Variants in CTNNA3 observed in about 807,000 individuals in gnomAD.
CTNNA3 encodes the protein catenin alpha 3.
CTNNA3 carries 76 observed loss-of-function variants against 95.7 expected under a neutral mutation model. That is an observed-to-expected ratio of 0.79 (90% confidence interval 0.66 to 0.96). The LOEUF (loss-of-function observed/expected upper bound fraction) is 0.96. Among genes scored for constraint, CTNNA3 ranks in the 40% least tolerant of loss-of-function variants. CTNNA3 has a pLI of 0.00. For synonymous variants in CTNNA3, 431 were observed against 374.4 expected (o/e 1.15, Z -1.74); for missense variants, 1,191 against 1,089.8 (o/e 1.09, Z -1.31).
chr10:66,153,892 A>G (rs1002222662), intron 13 of CTNNA3, among the ~76,000 whole-genome samples: 4 of 149,722 alleles, frequency 2.7e-5, no homozygotes, highest in Non-Finnish European at 5.9e-5. Flanking sequence ...CCTATATAAT[A>G]TAAATTATAC....
At position 66,371,787 on chromosome 10, in the gene CTNNA3, G is replaced by A. The variant is rs111890391; in HGVS notation, c.1732+7365C>T. On this transcript the variant is annotated intron_variant, in intron 12 of 17. Coordinates refer to ENST00000433211, the MANE Select transcript of CTNNA3 (RefSeq NM_013266.4). The stretch of plus-strand genomic sequence containing the variant: ...AGCACTGTCTGCAAAGAAGCTCGAA[G>A]GCCAGGTACTCACCCCTATGCATGC... Among the ~76,000 whole-genome samples, 587 of 152,248 alleles carry A rather than the reference G, an allele frequency of 3.9e-3. 4 individuals are homozygous for A. Among genetic ancestry groups the A allele is most frequent in the African/African-American group, 0.013 (546 of 41,558 alleles).
intron 13 of CTNNA3, among the ~76,000 whole-genome samples, chr10:66,127,262 ACT>A (rs1363797897): frequency 1.6e-5 from 2 of 127,416 alleles, no homozygotes; most frequent in African/African-American, 3.1e-5. Flanking sequence ...ACAGAGCAAG[ACT>A]CTGTCTCAAA....
intron 7 of CTNNA3, among the ~76,000 whole-genome samples, chr10:66,948,714 A>C (rs1380080887): frequency 6.6e-6 from 1 of 152,186 alleles, no homozygotes; most frequent in Non-Finnish European, 1.5e-5. Flanking sequence ...AACTGATGAA[A>C]TTGAACATAT....
intron 17 of CTNNA3, among the ~76,000 whole-genome samples, chr10:65,965,027 A>G (rs563533521): frequency 2.0e-5 from 3 of 152,228 alleles, no homozygotes; most frequent in African/African-American, 7.2e-5. Flanking sequence ...ACAGGGCACT[A>G]GTAATGCACT....
At chr10:67,462,053 G>T (rs1847398336) in intron 5 of CTNNA3, among the ~76,000 whole-genome samples, 1 of 152,200 alleles carries the variant, frequency 6.6e-6, no homozygotes, top group African/African-American at 2.4e-5. Context: ...AAAGGAAGTT[G>T]TTGTAATATG....
At chr10:66,997,175 C>G (rs550934298) in intron 7 of CTNNA3, among the ~76,000 whole-genome samples, 1 of 152,036 alleles carries the variant, frequency 6.6e-6, no homozygotes. Context: ...GCAAAACAAC[C>G]CTTTGTATTA....
intron 3 of CTNNA3, among the ~76,000 whole-genome samples, chr10:67,595,185 T>C (rs551952757): frequency 1.3e-5 from 2 of 152,296 alleles, no homozygotes; most frequent in East Asian, 3.9e-4. Flanking sequence ...AACTTTGAGG[T>C]TGTTTTTCTC....
intron 12 of CTNNA3, among the ~76,000 whole-genome samples, chr10:66,293,667 C>CTT (rs11374911): frequency 0.21 from 29,283 of 138,250 alleles, 3,647 homozygotes; most frequent in African/African-American, 0.34. Context: ...TTTTTTCTTT[C>CTT]TTTTTTTTTT....
intron 12 of CTNNA3, among the ~76,000 whole-genome samples, chr10:66,319,514 C>T (rs1470071166): frequency 1.3e-5 from 2 of 152,096 alleles, no homozygotes; most frequent in Non-Finnish European, 2.9e-5. Context: ...ATAAACTAAA[C>T]TTGTTTGCAA....
intron 9 of CTNNA3, among the ~76,000 whole-genome samples, chr10:66,672,279 T>C (rs1176888945): frequency 6.6e-6 from 1 of 152,152 alleles, no homozygotes; most frequent in Non-Finnish European, 1.5e-5. Flanking sequence ...AACAAAGTTA[T>C]AGGCTCTGTG....
At chr10:67,102,735 A>G (rs923511675) in intron 7 of CTNNA3, among the ~76,000 whole-genome samples, 1 of 151,788 alleles carries the variant, frequency 6.6e-6, no homozygotes, top group Non-Finnish European at 1.5e-5. Context: ...ATTACCTGCT[A>G]ATTTATCTTT....
intron 11 of CTNNA3, among the ~76,000 whole-genome samples, chr10:66,488,458 A>T (rs1453623478): frequency 6.6e-6 from 1 of 152,116 alleles, no homozygotes; most frequent in Non-Finnish European, 1.5e-5. Flanking sequence ...ACCAATGAAA[A>T]CCCACTTCTT....
chr10:66,703,052 C>T (rs1275794061), intron 9 of CTNNA3, among the ~76,000 whole-genome samples: 5 of 152,126 alleles, frequency 3.3e-5, no homozygotes, highest in Non-Finnish European at 5.9e-5. Flanking sequence ...TTTACTTCTG[C>T]TAGCCTAGGG....
chr10:66,295,706 C>G (rs2132210098), intron 12 of CTNNA3, among the ~76,000 whole-genome samples: 1 of 152,276 alleles, frequency 6.6e-6, no homozygotes, highest in African/African-American at 2.4e-5. Context: ...CTGCTGTCAA[C>G]TACAAAATAG....
At chr10:66,256,271 C>A (rs2090768165) in intron 13 of CTNNA3, among the ~76,000 whole-genome samples, 3 of 152,198 alleles carry the variant, frequency 2.0e-5, no homozygotes, top group Admixed American at 2.0e-4. Flanking sequence ...CAAAGCCCTG[C>A]AGGCCAATCC....
intron 5 of CTNNA3, among the ~76,000 whole-genome samples, chr10:67,466,230 G>A (rs1311755598): frequency 1.3e-5 from 2 of 152,052 alleles, no homozygotes; most frequent in South Asian, 2.1e-4. Flanking sequence ...TATCTCATAG[G>A]GGAAATATGC....
At chr10:66,725,108 G>C (rs1848740552) in intron 9 of CTNNA3, among the ~76,000 whole-genome samples, 1 of 152,040 alleles carries the variant, frequency 6.6e-6, no homozygotes, top group Admixed American at 6.6e-5. Flanking sequence ...AGTTGTTATT[G>C]TACTCTGCAT....
intron 7 of CTNNA3, among the ~76,000 whole-genome samples, chr10:66,833,924 C>T (rs7911777): frequency 0.36 from 54,317 of 152,008 alleles, 10,802 homozygotes; most frequent in Non-Finnish European, 0.46. Context: ...TTACCCATCC[C>T]GCCCTTTGTC....
chr10:67,085,773 C>G (rs984976336), intron 7 of CTNNA3, among the ~76,000 whole-genome samples: 1 of 151,912 alleles, frequency 6.6e-6, no homozygotes, highest in Non-Finnish European at 1.5e-5. Context: ...AATTTTCAAA[C>G]TTTTACTAAT....
Sources: gnomAD v4.1 joint callset for allele counts (sites outside exome capture counted in the v4.1 genomes callset) on GRCh38, gnomAD v4.1.1 for gene constraint, MANE v1.5 for transcripts, NCBI Gene and HGNC (gene_info 2026-07-23, HGNC 2026-07-21) for gene names.